Variants in ARHGEF28 observed in about 807,000 individuals in gnomAD.
ARHGEF28 encodes 190 kDa guanine nucleotide exchange factor.
ARHGEF28 carries 152 observed loss-of-function variants against 206.6 expected under a neutral mutation model. The observed-to-expected ratio is 0.74, with a 90% CI of 0.64 to 0.84. The LOEUF (loss-of-function observed/expected upper bound fraction) is 0.84. Ranked by LOEUF, ARHGEF28 falls within the 40% of genes least tolerant of loss-of-function variation. The pLI is 0.00. For missense variants in ARHGEF28, 2,028 were observed against 2,073.2 expected (o/e 0.98, Z 0.42); for synonymous variants, 763 against 776.4 (o/e 0.98, Z 0.29).
At chr5:73,747,865 T>C (rs1333751404) in intron 2 of ARHGEF28, among the ~76,000 whole-genome samples, 2 of 152,192 alleles carry the variant, frequency 1.3e-5, no homozygotes, top group Non-Finnish European at 2.9e-5. Context: ...TGTTCAGGGT[T>C]GTATTGTGTT....
intron 22 of ARHGEF28, among the ~76,000 whole-genome samples, chr5:73,875,038 G>C (rs1342544556): frequency 6.6e-6 from 1 of 150,780 alleles, no homozygotes; most frequent in African/African-American, 2.4e-5. Context: ...CCCACCAACA[G>C]TGTAAAAGTG....
At chr5:73,847,965 T>G (rs1188545487) in intron 12 of ARHGEF28, among the ~76,000 whole-genome samples, 1 of 152,180 alleles carries the variant, frequency 6.6e-6, no homozygotes, top group Non-Finnish European at 1.5e-5. Flanking sequence ...TCCAGGCTCC[T>G]TAACTAAACT....
At chr5:73,788,603 T>A (rs1754294730) in intron 7 of ARHGEF28, among the ~76,000 whole-genome samples, 1 of 152,224 alleles carries the variant, frequency 6.6e-6, no homozygotes, top group Non-Finnish European at 1.5e-5. Flanking sequence ...TACCATTTAT[T>A]AAGTGGAACT....
intron 1 of ARHGEF28, among the ~76,000 whole-genome samples, chr5:73,642,822 A>T (rs1744206775): frequency 6.6e-6 from 1 of 152,110 alleles, no homozygotes; most frequent in African/African-American, 2.4e-5. Flanking sequence ...TCATGCTCTA[A>T]TATCTGTTCA....
At chr5:73,921,790 T>G (rs989384128) in intron 35 of ARHGEF28, among the ~76,000 whole-genome samples, 11 of 152,204 alleles carry the variant, frequency 7.2e-5, no homozygotes, top group African/African-American at 2.7e-4. Flanking sequence ...ATTGAGGCTG[T>G]TTTTAAGGAA....
At chr5:73,908,643 TG>T (rs1268974915) in intron 33 of ARHGEF28, 1 of 152,210 alleles carries the variant, frequency 6.6e-6, no homozygotes, top group Non-Finnish European at 1.5e-5. Context: ...TAACTCAAAA[TG>T]TTTTTTTAAT....
rs928804739 is a variant in ARHGEF28, at chr5:73,868,230, G to A, written c.2425+3G>A. On this transcript the variant is annotated splice_donor_region_variant and intron_variant, in intron 20 of 35. Coordinates refer to ENST00000513042, the MANE Select transcript of ARHGEF28 (RefSeq NM_001177693.2). Reference sequence around the variant, plus strand: ...TACAGAGTCTTTCATAATGGAAGGTGAGGAGAAGACACACTTCCATTTATT... The same window carrying A: ...TACAGAGTCTTTCATAATGGAAGGTAAGGAGAAGACACACTTCCATTTATT... The A allele has an allele frequency of 4.4e-6, 7 of 1,573,062 alleles. No homozygotes were observed. Among genetic ancestry groups the A allele is most frequent in the Non-Finnish European group, 6.0e-6 (7 of 1,157,222 alleles).
rs1159285190 is a variant in ARHGEF28, at chr5:73,846,329, A to G, written c.1489A>G (p.Ile497Val). ...GGAAGGGCATTCTGAGCCATCCCAC[A>G]TCTGTTACACTCCAGGGTCTCAGAG... ...EGEGHSEPSH[I>V]CYTPGSQSSS... Residue 497 changes from isoleucine (I) to valine (V), a missense_variant, in exon 12 of 36, where the codon ATC (isoleucine) becomes GTC (valine). Physicochemically the swap from Ile to Val is conservative, Grantham distance 29. Around this residue, in one of 3 missense-constraint regions of ARHGEF28, gnomAD observed 1,002 missense variants for 1,015.3 expected, o/e 0.99. Transcript: ENST00000513042. 1.9e-6 allele frequency: 3 copies of G among 1,613,870 alleles called. No homozygotes were observed. Among genetic ancestry groups the G allele is most frequent in the Middle Eastern group, 1.7e-4 (1 of 6,058 alleles).
At chr5:73,789,791 A>G (rs1190693155) in intron 7 of ARHGEF28, among the ~76,000 whole-genome samples, 3 of 152,058 alleles carry the variant, frequency 2.0e-5, no homozygotes, top group African/African-American at 7.2e-5. Context: ...GCTCAGATAG[A>G]TGCTGCACAC....
chr5:73,725,054 A>G (rs1750190964), intron 2 of ARHGEF28, among the ~76,000 whole-genome samples: 1 of 151,260 alleles, frequency 6.6e-6, no homozygotes, highest in Admixed American at 6.6e-5. Flanking sequence ...AAAAGTACCA[A>G]AAAGGTTAAA....
intron 35 of ARHGEF28, among the ~76,000 whole-genome samples, chr5:73,916,413 G>C (rs1224046349): frequency 6.6e-6 from 1 of 152,164 alleles, no homozygotes; most frequent in Non-Finnish European, 1.5e-5. Context: ...AGGCTAGGGG[G>C]CTTAGACAAC....
intron 1 of ARHGEF28, among the ~76,000 whole-genome samples, chr5:73,684,551 T>C (rs1013505407): frequency 2.0e-5 from 3 of 152,266 alleles, no homozygotes; most frequent in African/African-American, 4.8e-5. Flanking sequence ...TAAAAATTTC[T>C]GTTTGAGTCC....
At chr5:73,722,243 C>T (rs1452525677) in intron 2 of ARHGEF28, among the ~76,000 whole-genome samples, 2 of 152,218 alleles carry the variant, frequency 1.3e-5, no homozygotes, top group African/African-American at 4.8e-5. Flanking sequence ...CTTGAACATC[C>T]ATGACATAGC....
intron 1 of ARHGEF28, among the ~76,000 whole-genome samples, chr5:73,639,524 A>G (rs565118422): frequency 9.2e-5 from 14 of 152,164 alleles, no homozygotes; most frequent in Admixed American, 3.9e-4. Context: ...TATAAATTTT[A>G]TATTTTATTG....
chr5:73,808,932 A>G (rs997663932), intron 9 of ARHGEF28, among the ~76,000 whole-genome samples: 2 of 152,156 alleles, frequency 1.3e-5, no homozygotes, highest in Non-Finnish European at 2.9e-5. Flanking sequence ...TAAAAATCAA[A>G]TGATTACTCC....
At chr5:73,802,843 G>A (rs191557377) in intron 9 of ARHGEF28, among the ~76,000 whole-genome samples, 22 of 150,530 alleles carry the variant, frequency 1.5e-4, no homozygotes, top group African/African-American at 5.4e-4. Flanking sequence ...CATTTACAAA[G>A]GGATAATTGG....
chr5:73,659,482 A>T (rs572456233), intron 1 of ARHGEF28, among the ~76,000 whole-genome samples: 8 of 152,004 alleles, frequency 5.3e-5, no homozygotes, highest in African/African-American at 1.4e-4. Flanking sequence ...GTGAGCCGAG[A>T]TCGGCCACTG....
chr5:73,856,694 G>T (rs1416776608), intron 14 of ARHGEF28, among the ~76,000 whole-genome samples: 1 of 151,942 alleles, frequency 6.6e-6, no homozygotes, highest in Admixed American at 6.6e-5. Flanking sequence ...ATATATTTTG[G>T]TGTAAATCAG....
intron 4 of ARHGEF28, among the ~76,000 whole-genome samples, chr5:73,767,565 C>G (rs1004698427): frequency 6.6e-6 from 1 of 152,086 alleles, no homozygotes; most frequent in African/African-American, 2.4e-5. Context: ...GAATTTTGAA[C>G]TTGAGAGCCA....
Sources: allele counts gnomAD v4.1 joint callset (sites outside exome capture counted in the v4.1 genomes callset), GRCh38; gene constraint gnomAD v4.1.1; regional missense constraint gnomAD v4.1.1; transcripts MANE v1.5; gene names NCBI Gene and HGNC (gene_info 2026-07-23, HGNC 2026-07-21).